Variants in MFSD8 observed in about 807,000 individuals in gnomAD.
MFSD8 encodes the protein major facilitator superfamily domain containing 8, also known as major facilitator superfamily domain-containing protein 8.
MFSD8 carries 55 observed loss-of-function variants against 66.4 expected under a neutral mutation model. The observed-to-expected ratio is 0.83, with a 90% CI of 0.67 to 1.04. The LOEUF (loss-of-function observed/expected upper bound fraction) is 1.04, where lower values mean the gene tolerates loss of function less well. Ranked by LOEUF, MFSD8 falls within the 50% of genes least tolerant of loss-of-function variation. The pLI is 0.00. For synonymous variants in MFSD8, 202 were observed against 212.8 expected (o/e 0.95, Z 0.44); for missense variants, 550 against 627.6 (o/e 0.88, Z 1.32).
chr4:127,947,522 G>A (rs1207203299), intron 3 of MFSD8, among the ~76,000 whole-genome samples: 4 of 147,520 alleles, frequency 2.7e-5, no homozygotes, highest in African/African-American at 2.5e-5. Context: ...AGATTGCAGC[G>A]CACCAAGATC....
At chr4:127,945,124 T>C (rs1740822772) in intron 3 of MFSD8, among the ~76,000 whole-genome samples, 2 of 152,176 alleles carry the variant, frequency 1.3e-5, no homozygotes, top group South Asian at 2.1e-4. Flanking sequence ...ACACTATGAC[T>C]GTACCTGTGA....
rs1405107021 is a variant in MFSD8 at position 127,943,869 on chromosome 4, T to C, written c.322A>G (p.Ile108Val). 6.2e-7 allele frequency: 1 copy of C among 1,613,992 alleles called. No homozygotes were observed. Among genetic ancestry groups the C allele is most frequent in the Non-Finnish European group, 8.5e-7 (1 of 1,180,036 alleles). Residue 108 changes from isoleucine (I) to valine (V), a missense_variant, in exon 4 of 12, where the codon ATT becomes GTT. Ile to Val is a conservative substitution (Grantham distance 29). Coordinates refer to ENST00000641686, the MANE Select transcript of MFSD8 (RefSeq NM_001371596.2). Reference sequence around the variant, plus strand: ...GCCACGGAAATCAAGATGGAGACAATAAGAGGCTCTTTTCTTGGTCTATAA... The same window carrying C: ...GCCACGGAAATCAAGATGGAGACAACAAGAGGCTCTTTTCTTGGTCTATAA... ...SNYRPRKEPL[I>V]VSILISVAAN...
chr4:127,953,543 G>GAT (rs1742361799), intron 2 of MFSD8, among the ~76,000 whole-genome samples: 1 of 67,032 alleles, frequency 1.5e-5, no homozygotes, highest in Non-Finnish European at 2.9e-5. Flanking sequence ...AAGGCATTCT[G>GAT]TTTTTTTTTT....
At chr4:127,952,518 C>A (rs1742163068) in intron 2 of MFSD8, among the ~76,000 whole-genome samples, 1 of 152,002 alleles carries the variant, frequency 6.6e-6, no homozygotes, top group South Asian at 2.1e-4. Flanking sequence ...TCTTTTAAAT[C>A]AAGGCTACAA....
chr4:127,920,533 T>C lies in MFSD8; in HGVS notation c.*97A>G, dbSNP rs1446740220. 1.7e-6 allele frequency: 2 copies of C among 1,181,662 alleles called. No homozygotes were observed. The highest frequency in any genetic ancestry group is 1.7e-5 in the Admixed American group (1 of 59,126). The allele number at this position is 1,181,662 out of a possible 1,614,324, so 73.2% of individuals were successfully genotyped here. A position where few individuals can be genotyped will look rare whatever the true frequency, so the allele number is the denominator to read the frequency against. Reference sequence around the variant, plus strand: ...TCTTCAAAATCTGCAATATCTGTAGTCTGATTCTTGGAGACTGGCTCACCG... The same window carrying C: ...TCTTCAAAATCTGCAATATCTGTAGCCTGATTCTTGGAGACTGGCTCACCG... On this transcript the variant is annotated 3_prime_UTR_variant, in exon 12 of 12. Transcript: ENST00000641686.
In MFSD8 at chr4:127,919,847, A is replaced by G. The variant is rs1045665639; in HGVS notation, c.*783T>C. 3.9e-5 allele frequency: 6 copies of G among 152,216 alleles called. No individual in the cohort carries two copies. Among genetic ancestry groups the G allele is most frequent in the African/African-American group, 1.4e-4 (6 of 41,462 alleles). 9.4% of individuals were successfully genotyped at this position (152,216 alleles called of 1,614,324 possible). A position where few individuals can be genotyped will look rare whatever the true frequency, so the allele number is the denominator to read the frequency against. On this transcript the variant is annotated 3_prime_UTR_variant, in exon 12 of 12. Coordinates refer to ENST00000641686, the MANE Select transcript of MFSD8 (RefSeq NM_001371596.2). Reference sequence around the variant, plus strand: ...CATTTACTGTTTTGTATATATATATATAAAATAACACATATCTGGATTATG... The same window carrying G: ...CATTTACTGTTTTGTATATATATATGTAAAATAACACATATCTGGATTATG...
chr4:127,949,120 T>C (rs867762678), intron 3 of MFSD8, among the ~76,000 whole-genome samples: 4 of 152,196 alleles, frequency 2.6e-5, no homozygotes, highest in South Asian at 2.1e-4. Context: ...GTTAATCAGA[T>C]AGCAGTAGGT....
At chr4:127,943,139 C>G (rs1018613195) in intron 4 of MFSD8, among the ~76,000 whole-genome samples, 3 of 151,956 alleles carry the variant, frequency 2.0e-5, no homozygotes, top group Admixed American at 1.3e-4. Context: ...ATTGCTTGAA[C>G]CCAGGCAGGT....
intron 2 of MFSD8, among the ~76,000 whole-genome samples, chr4:127,952,202 G>A (rs1000634083): frequency 6.6e-6 from 1 of 150,698 alleles, no homozygotes; most frequent in Non-Finnish European, 1.5e-5. Flanking sequence ...TCAGGCTATC[G>A]AGCCCATCCT....
intron 5 of MFSD8, among the ~76,000 whole-genome samples, chr4:127,941,295 T>C (rs955521235): frequency 1.4e-4 from 22 of 152,154 alleles, no homozygotes; most frequent in Admixed American, 7.9e-4. Context: ...GGGTGGGAGA[T>C]GGGGTGTTAA....
chr4:127,943,644 G>T, intron 4 of MFSD8, 108 bp downstream of exon 4: 2 of 1,341,290 alleles, frequency 1.5e-6, no homozygotes, highest in Non-Finnish European at 2.1e-6. Flanking sequence ...CATGTATGTT[G>T]AACTGTGAAA....
intron 6 of MFSD8, chr4:127,939,203 A>G: frequency 6.2e-6 from 1 of 160,250 alleles, no homozygotes; most frequent in Non-Finnish European, 1.4e-5. Context: ...TATATAAAAG[A>G]TAAGAGATAT....
chr4:127,945,745 T>G, intron 3 of MFSD8: 1 of 152,174 alleles, frequency 6.6e-6, no homozygotes, highest in Non-Finnish European at 1.5e-5. Flanking sequence ...CGTTAAAATA[T>G]CTTTCATTTT....
chr4:127,942,444 C>G (rs1479882687), intron 4 of MFSD8, among the ~76,000 whole-genome samples: 1 of 152,200 alleles, frequency 6.6e-6, no homozygotes, highest in Middle Eastern at 3.4e-3. Flanking sequence ...TCTGTAACCC[C>G]AGCACTTTCA....
chr4:127,939,154 C>T (rs1360549727), intron 6 of MFSD8: 1 of 189,090 alleles, frequency 5.3e-6, no homozygotes, highest in Non-Finnish European at 1.1e-5. Context: ...TTGAATAAAG[C>T]ACTCTAAATA....
Position 127,957,544 on chromosome 4 carries a change from T to A in MFSD8, c.111A>T (p.Arg37Ser). 1.9e-6 allele frequency: 3 copies of A among 1,612,050 alleles called. 1 individual carries two copies. The highest frequency in any genetic ancestry group is 2.2e-5 in the East Asian group (1 of 44,702). ...ETEEHYKSRWRSIRILYLTMF... is the reference protein window; with the variant it reads ...ETEEHYKSRWSSIRILYLTMF... ...TAGTAAGATATAAAATCCTAATAGA[T>A]CTCCATCGGCTCTTATAATGCTCTT... The change falls in exon 2 of 12, where the codon AGA (arginine) becomes AGT (serine). Residue 37 changes from arginine (R) to serine (S), a missense_variant. By Grantham distance (110) the Arg-to-Ser change is moderately radical. Coordinates refer to ENST00000641686, the MANE Select transcript of MFSD8 (RefSeq NM_001371596.2).
At chr4:127,949,612 A>T (rs1409348452) in intron 3 of MFSD8, among the ~76,000 whole-genome samples, 192 bp downstream of exon 3, 1 of 152,306 alleles carries the variant, frequency 6.6e-6, no homozygotes, top group East Asian at 1.9e-4. Flanking sequence ...TCTTCACTAC[A>T]AAAGTGTTCT....
chr4:127,949,076 A>C (rs1344107977), intron 3 of MFSD8, among the ~76,000 whole-genome samples: 1 of 152,260 alleles, frequency 6.6e-6, no homozygotes, highest in Non-Finnish European at 1.5e-5. Context: ...AGTAATTGGA[A>C]ACCTTACAAG....
At chr4:127,923,318 T>TG (rs1736622495) in intron 9 of MFSD8, among the ~76,000 whole-genome samples, 1 of 152,134 alleles carries the variant, frequency 6.6e-6, no homozygotes, top group Non-Finnish European at 1.5e-5. Flanking sequence ...ATCAGTTTAT[T>TG]GAGTGTTGTT....
Sources: gnomAD v4.1 joint callset for allele counts (sites outside exome capture counted in the v4.1 genomes callset) on GRCh38, gnomAD v4.1.1 for gene constraint, MANE v1.5 for transcripts, NCBI Gene and HGNC (gene_info 2026-07-23, HGNC 2026-07-21) for gene names.